PTCHD4: variants seen among roughly 807,000 people sequenced by gnomAD.
PTCHD4 encodes patched domain containing 4.
PTCHD4 carries 33 observed loss-of-function variants against 58.1 expected under a neutral mutation model. That is an observed-to-expected ratio of 0.57 (90% CI 0.43 to 0.76). PTCHD4 has a LOEUF of 0.76. PTCHD4 is among the 30% of genes least tolerant of loss of function. PTCHD4 has a pLI of 0.00. For synonymous variants in PTCHD4, 478 were observed against 409.6 expected (o/e 1.17, Z -2.02); for missense variants, 1,058 against 1,027.1 (o/e 1.03, Z -0.41).
chr6:47,980,586 A>G (rs1055859786), intron 4 of PTCHD4, among the ~76,000 whole-genome samples: 1 of 152,050 alleles, frequency 6.6e-6, no homozygotes, highest in Non-Finnish European at 1.5e-5. Context: ...AATTCTGTTG[A>G]TAACTTCAAT....
intron 3 of PTCHD4, among the ~76,000 whole-genome samples, chr6:48,031,087 C>T (rs1421297275): frequency 2.0e-5 from 3 of 152,092 alleles, no homozygotes; most frequent in African/African-American, 7.2e-5. Flanking sequence ...GAACCTTCTC[C>T]TAGGCTAATC....
intron 1 of PTCHD4, among the ~76,000 whole-genome samples, chr6:48,095,555 C>T (rs886197491): frequency 2.6e-5 from 4 of 151,638 alleles, no homozygotes; most frequent in African/African-American, 4.8e-5. Context: ...TGTGGCGTGG[C>T]GGGGGGTGAC....
intron 1 of PTCHD4, among the ~76,000 whole-genome samples, chr6:48,082,838 C>T (rs919480063): frequency 4.6e-5 from 7 of 151,762 alleles, no homozygotes; most frequent in African/African-American, 7.3e-5. Flanking sequence ...GAATGGTATA[C>T]GAAATAATTA....
chr6:48,057,402 C>T (rs944859958), intron 3 of PTCHD4, among the ~76,000 whole-genome samples: 3 of 152,118 alleles, frequency 2.0e-5, no homozygotes, highest in Non-Finnish European at 4.4e-5. Context: ...TTATATCCTC[C>T]CAGGCAAATT....
At chr6:48,028,702 G>C (rs530917397) in intron 3 of PTCHD4, among the ~76,000 whole-genome samples, 16 of 151,748 alleles carry the variant, frequency 1.1e-4, no homozygotes, top group Admixed American at 1.1e-3. Flanking sequence ...CCCTTGCTTT[G>C]TGTCAACCTT....
At chr6:48,019,009 T>C (rs1762963327) in intron 3 of PTCHD4, among the ~76,000 whole-genome samples, 1 of 152,210 alleles carries the variant, frequency 6.6e-6, no homozygotes, top group Middle Eastern at 3.2e-3. Context: ...CTATGACATC[T>C]GGAACATTAA....
intron 3 of PTCHD4, among the ~76,000 whole-genome samples, chr6:48,019,512 G>A (rs1762984032): frequency 6.6e-6 from 1 of 152,096 alleles, no homozygotes; most frequent in Non-Finnish European, 1.5e-5. Context: ...CAAGGAGGGC[G>A]GATTATGAAG....
intron 1 of PTCHD4, among the ~76,000 whole-genome samples, chr6:48,082,694 C>A (rs1765188502): frequency 6.6e-6 from 1 of 152,090 alleles, no homozygotes; most frequent in African/African-American, 2.4e-5. Context: ...GGATTAACTA[C>A]TTTAAACCAA....
chr6:48,029,995 A>AG (rs1488850762), intron 3 of PTCHD4, among the ~76,000 whole-genome samples: 1 of 152,138 alleles, frequency 6.6e-6, no homozygotes, highest in Non-Finnish European at 1.5e-5. Flanking sequence ...CCTCAAGAAG[A>AG]GAAGTTACCC....
At chr6:47,960,149 G>C (rs1447818015) in intron 4 of PTCHD4, among the ~76,000 whole-genome samples, 3 of 152,106 alleles carry the variant, frequency 2.0e-5, no homozygotes, top group African/African-American at 7.2e-5. Flanking sequence ...CTTGAAGGTA[G>C]ACTGATAAAG....
intron 3 of PTCHD4, among the ~76,000 whole-genome samples, chr6:48,017,963 A>G (rs188893575): frequency 7.2e-5 from 11 of 152,330 alleles, no homozygotes; most frequent in African/African-American, 1.9e-4. Context: ...CAGTTTTATT[A>G]TTGGTTAAAA....
intron 4 of PTCHD4, among the ~76,000 whole-genome samples, chr6:47,998,985 A>C (rs1218966563): frequency 6.6e-6 from 1 of 152,254 alleles, no homozygotes; most frequent in Non-Finnish European, 1.5e-5. Flanking sequence ...CATAAAAGCC[A>C]CCAATAAGTC....
chr6:48,014,197 G>T (rs903234161), intron 3 of PTCHD4, among the ~76,000 whole-genome samples: 1 of 151,964 alleles, frequency 6.6e-6, no homozygotes, highest in Non-Finnish European at 1.5e-5. Context: ...TCCATTAAAA[G>T]GTCCACATTT....
chr6:48,087,562 T>C (rs1158177671), intron 1 of PTCHD4, among the ~76,000 whole-genome samples: 1 of 152,198 alleles, frequency 6.6e-6, no homozygotes, highest in Admixed American at 6.5e-5. Flanking sequence ...TTCAAAATAG[T>C]CCTAGGTGGG....
rs1414208553 is a variant in PTCHD4 at position 47,878,733 on chromosome 6, G to C, written c.2102C>G (p.Thr701Arg). ...GCAATCCATGTCGACGTTCCATAAT[G>C]TCATTAAGCCCAGAACGCCCAGCTC... The part of the protein sequence containing the change: ...SIELGVLGLM[T>R]LWNVDMDCIS... The change falls in exon 5 of 5, where the codon ACA becomes AGA. Residue 701 changes from threonine (T) to arginine (R), a missense_variant. Physicochemically the swap from Thr to Arg is moderately conservative, Grantham distance 71. Coordinates refer to ENST00000339488, the MANE Select transcript of PTCHD4 (RefSeq NM_001384253.1). 6.2e-7 allele frequency: 1 copy of C among 1,613,486 alleles called. No individual in the cohort carries two copies. The highest frequency in any genetic ancestry group is 2.2e-5 in the East Asian group (1 of 44,844).
chr6:47,891,850 T>C (rs2114127060), intron 4 of PTCHD4, among the ~76,000 whole-genome samples: 1 of 152,342 alleles, frequency 6.6e-6, no homozygotes, highest in East Asian at 1.9e-4. Context: ...TGGTATTTTA[T>C]AACAAATATT....
At chr6:47,895,261 T>C (rs573743904) in intron 4 of PTCHD4, among the ~76,000 whole-genome samples, 4 of 152,088 alleles carry the variant, frequency 2.6e-5, no homozygotes, top group Admixed American at 6.6e-5. Context: ...TACCAGAAAG[T>C]TTAGACAAAT....
intron 1 of PTCHD4, among the ~76,000 whole-genome samples, chr6:48,082,149 T>A (rs1193978852): frequency 1.3e-5 from 2 of 152,184 alleles, no homozygotes; most frequent in East Asian, 3.8e-4. Context: ...ATGTCAAATA[T>A]GCCACAGGAA....
At chr6:47,892,350 A>C (rs527618441) in intron 4 of PTCHD4, among the ~76,000 whole-genome samples, 1 of 152,342 alleles carries the variant, frequency 6.6e-6, no homozygotes, top group East Asian at 1.9e-4. Context: ...CAATCTTATC[A>C]TTTGTTGAGG....
Sources: allele counts gnomAD v4.1 joint callset (sites outside exome capture counted in the v4.1 genomes callset), GRCh38; gene constraint gnomAD v4.1.1; transcripts MANE v1.5; gene names NCBI Gene and HGNC (gene_info 2026-07-23, HGNC 2026-07-21).